Variants in MBD5 observed in about 807,000 individuals in gnomAD.
MBD5 encodes methyl-CpG-binding domain protein 5.
MBD5 carries 13 observed loss-of-function variants against 117.3 expected under a neutral mutation model. The observed-to-expected ratio is 0.11, with a 90% CI of 0.07 to 0.18. The LOEUF is 0.18. Among genes scored for constraint, MBD5 ranks in the 10% least tolerant of loss-of-function variants. The probability of loss-of-function intolerance (pLI) is 1.00; values close to 1 mark genes in which losing one functional copy is unlikely to be tolerated. For synonymous variants in MBD5, 727 were observed against 766.4 expected (o/e 0.95, Z 0.85); for missense variants, 1,879 against 2,093.8 (o/e 0.90, Z 2.00).
At chr2:148,452,733 G>A (rs980739466) in intron 4 of MBD5, among the ~76,000 whole-genome samples, 3 of 152,044 alleles carry the variant, frequency 2.0e-5, no homozygotes, top group South Asian at 2.1e-4. Context: ...AAATAAAACC[G>A]TGATTAACTT....
At chr2:148,085,007 G>C (rs542500244) in intron 1 of MBD5, among the ~76,000 whole-genome samples, 1 of 152,328 alleles carries the variant, frequency 6.6e-6, no homozygotes, top group South Asian at 2.1e-4. Flanking sequence ...AAAGGGGTTA[G>C]TAGGAAGAAG....
At chr2:148,339,427 TCTGA>T (rs1287824894) in intron 3 of MBD5, among the ~76,000 whole-genome samples, 3 of 152,168 alleles carry the variant, frequency 2.0e-5, no homozygotes, top group African/African-American at 4.8e-5. Context: ...TTTCATCATC[TCTGA>T]CTATGTTTTC....
intron 3 of MBD5, among the ~76,000 whole-genome samples, chr2:148,340,871 CACACAT>C (rs1384592186): frequency 2.1e-4 from 31 of 150,212 alleles, no homozygotes; most frequent in Admixed American, 1.0e-3. Context: ...CACACACACA[CACACAT>C]AGCATTTATT....
intron 3 of MBD5, among the ~76,000 whole-genome samples, chr2:148,324,895 G>C (rs1702400309): frequency 6.6e-6 from 1 of 152,078 alleles, no homozygotes; most frequent in South Asian, 2.1e-4. Context: ...GTGAGAGAGG[G>C]AATCCCTGTC....
At chr2:148,332,193 C>A (rs950498682) in intron 3 of MBD5, among the ~76,000 whole-genome samples, 1 of 151,860 alleles carries the variant, frequency 6.6e-6, no homozygotes, top group African/African-American at 2.4e-5. Context: ...TATCTCCTAC[C>A]CTACTGCCAC....
intron 1 of MBD5, among the ~76,000 whole-genome samples, chr2:148,092,533 G>A (rs1246926039): frequency 2.0e-5 from 3 of 152,106 alleles, no homozygotes; most frequent in Admixed American, 2.0e-4. Flanking sequence ...GGATGGAGTG[G>A]GGACCGTTAT....
At chr2:148,250,253 C>T (rs114658743) in intron 3 of MBD5, among the ~76,000 whole-genome samples, 1,955 of 152,152 alleles carry the variant, frequency 0.013, 41 homozygotes, top group African/African-American at 0.044. Flanking sequence ...TAAGTGGGCA[C>T]TAAATGATGA....
In MBD5 at chr2:148,043,767, A is replaced by T. The variant is rs769460535; in HGVS notation, c.-925+22083A>T. Among the ~76,000 whole-genome samples the T allele has an allele frequency of 1.3e-4, 20 of 152,232 alleles. 1 individual carries two copies. Among genetic ancestry groups the T allele is most frequent in the African/African-American group, 2.2e-4 (9 of 41,462 alleles). On this transcript the variant is annotated intron_variant, in intron 1 of 13. Transcript: ENST00000642680. ...TAATTTTAGTTGAAGGAAATAAGTC[A>T]TTAGAAATACATATTTTAGATCCTG... is the stretch of plus-strand genomic sequence containing the variant.
intron 3 of MBD5, among the ~76,000 whole-genome samples, chr2:148,321,471 C>T (rs930750985): frequency 1.7e-4 from 26 of 152,102 alleles, no homozygotes; most frequent in African/African-American, 6.0e-4. Flanking sequence ...GATAGGTTCC[C>T]AAGGGCCATT....
chr2:148,103,829 A>T (rs941788357), intron 1 of MBD5, among the ~76,000 whole-genome samples: 4 of 152,200 alleles, frequency 2.6e-5, no homozygotes, highest in Admixed American at 1.3e-4. Context: ...AGAATAATTT[A>T]AAAATATTAT....
chr2:148,267,846 T>C (rs1036987936), intron 3 of MBD5, among the ~76,000 whole-genome samples: 2 of 152,286 alleles, frequency 1.3e-5, no homozygotes, highest in East Asian at 3.9e-4. Flanking sequence ...TTCCCACTGA[T>C]TCTAATAATA....
rs139861805 is a variant in MBD5 at position 148,120,003 on chromosome 2, A to G, written c.-924-58697A>G. On this transcript the variant is annotated intron_variant, in intron 1 of 13. Coordinates refer to ENST00000642680, the MANE Select transcript of MBD5 (RefSeq NM_001378120.1). ...AACACAAAAGCTCACTGCAGCCTCA[A>G]TGTCCAGGGCTCAAGCCATCCTCTA... Among the ~76,000 whole-genome samples, 34 of 152,062 alleles carry G rather than the reference A, an allele frequency of 2.2e-4. No homozygotes were observed. In the South Asian group the frequency reaches 4.6e-3, roughly 20 times the overall value.
intron 3 of MBD5, among the ~76,000 whole-genome samples, chr2:148,248,220 A>C (rs980212729): frequency 1.3e-5 from 2 of 152,146 alleles, no homozygotes; most frequent in Non-Finnish European, 2.9e-5. Flanking sequence ...GTACCTAGTA[A>C]AATCAGCTAT....
intron 1 of MBD5, among the ~76,000 whole-genome samples, chr2:148,064,562 C>G (rs1004495754): frequency 3.3e-5 from 5 of 152,138 alleles, no homozygotes; most frequent in African/African-American, 1.2e-4. Flanking sequence ...AATTTGGCTG[C>G]TAGATACCTT....
chr2:148,123,568 A>ATT (rs760186033), intron 1 of MBD5, among the ~76,000 whole-genome samples: 2 of 152,222 alleles, frequency 1.3e-5, no homozygotes, highest in Non-Finnish European at 2.9e-5. Flanking sequence ...GATGGATAAT[A>ATT]TAGGTTGTGT....
chr2:148,282,057 AT>A (rs1237081056), intron 3 of MBD5, among the ~76,000 whole-genome samples: 5 of 151,930 alleles, frequency 3.3e-5, no homozygotes, highest in Admixed American at 2.0e-4. Flanking sequence ...CAGTATCTTG[AT>A]TTTTTTCTTT....
chr2:148,492,086 A>G (rs995169324), intron 11 of MBD5, among the ~76,000 whole-genome samples: 2 of 151,884 alleles, frequency 1.3e-5, no homozygotes, highest in African/African-American at 4.8e-5. Context: ...CACATTTCAC[A>G]TTAAACAATG....
At chr2:148,115,591 A>G (rs1393486263) in intron 1 of MBD5, among the ~76,000 whole-genome samples, 1 of 151,482 alleles carries the variant, frequency 6.6e-6, no homozygotes, top group African/African-American at 2.4e-5. Context: ...TTTCTTTTGG[A>G]TAGTTTATGT....
intron 4 of MBD5, among the ~76,000 whole-genome samples, chr2:148,385,241 T>C (rs1704312730): frequency 1.3e-5 from 2 of 152,124 alleles, no homozygotes; most frequent in Admixed American, 6.6e-5. Flanking sequence ...ATCCAGAATC[T>C]ACAATGAACT....
Sources: gnomAD v4.1 joint callset for allele counts (sites outside exome capture counted in the v4.1 genomes callset) on GRCh38, gnomAD v4.1.1 for gene constraint, MANE v1.5 for transcripts, NCBI Gene and HGNC (gene_info 2026-07-23, HGNC 2026-07-21) for gene names.